The following DYRK2 variants were observed in gnomAD, a reference collection of about 807,000 sequenced individuals.
The protein encoded by DYRK2 is dual specificity tyrosine phosphorylation regulated kinase 2.
DYRK2 carries 12 observed loss-of-function variants against 41.6 expected under a neutral mutation model. The ratio of observed to expected loss-of-function variants is 0.29; its 90% CI spans 0.18 to 0.47. The LOEUF is 0.47. DYRK2 is among the 20% of genes least tolerant of loss of function. The probability of loss-of-function intolerance (pLI) is 1.00; values close to 1 mark genes in which losing one functional copy is unlikely to be tolerated. For synonymous variants in DYRK2, 322 were observed against 315.7 expected (o/e 1.02, Z -0.21); for missense variants, 678 against 798.4 (o/e 0.85, Z 1.82).
In DYRK2 at chr12:67,658,403, C is replaced by A; in HGVS notation, c.1496C>A (p.Ala499Glu). Reference protein sequence around the residue: ...GPPESREWGNALKGCDDPLFL... With the variant: ...GPPESREWGNELKGCDDPLFL... ...CCGGAGAGCAGAGAGTGGGGGAACGCGCTGAAGGGGTGTGATGATCCCCTT... is the reference window on the plus strand; with the variant it reads ...CCGGAGAGCAGAGAGTGGGGGAACGAGCTGAAGGGGTGTGATGATCCCCTT... The change falls in exon 3 of 3, where the codon GCG becomes GAG. Residue 499 changes from alanine (A) to glutamate (E), a missense_variant. Transcript: ENST00000344096. This position sits in a 1 kb window ranked among gnomAD's most constrained non-coding sequence, Gnocchi z 4.3. 1 of 1,598,186 alleles carries A rather than the reference C, an allele frequency of 6.3e-7. No homozygotes were observed. The highest frequency in any genetic ancestry group is 1.1e-5 in the South Asian group (1 of 88,390).
At chr12:67,654,943 A>G (rs1167846577) in intron 2 of DYRK2, among the ~76,000 whole-genome samples, 1 of 152,146 alleles carries the variant, frequency 6.6e-6, no homozygotes, top group Admixed American at 6.5e-5. Flanking sequence ...GGGAGTAAGA[A>G]GCCAAGAGAA....
At chr12:67,653,421 AGCTTCTCAAATGAATC>A (rs767537490) in intron 2 of DYRK2, among the ~76,000 whole-genome samples, 2 of 151,742 alleles carry the variant, frequency 1.3e-5, no homozygotes, top group Non-Finnish European at 2.9e-5. Context: ...CTTTTGCTAG[AGCTTCTCAAATGAATC>A]TCTAACATCT....
Position 67,659,081 on chromosome 12 carries a change from C to T in DYRK2, c.*368C>T, listed in dbSNP as rs1017519560. ...TTTTATGGTTCATGTTATATCCTCC[C>T]CAGGGTGACAGCCCCTTAAGGCCCT... On this transcript the variant is annotated 3_prime_UTR_variant, in exon 3 of 3. Coordinates refer to ENST00000344096, the MANE Select transcript of DYRK2 (RefSeq NM_006482.3). 7 of 181,040 alleles carry T rather than the reference C, an allele frequency of 3.9e-5. No homozygotes were observed. The highest frequency in any genetic ancestry group is 2.6e-5 in the Non-Finnish European group (2 of 78,064). 11.2% of individuals were successfully genotyped at this position (181,040 alleles called of 1,614,324 possible).
Position 67,658,858 on chromosome 12 carries a change from AAGTT to A in DYRK2, c.*146_*149del. On this transcript the variant is annotated 3_prime_UTR_variant, in exon 3 of 3. Coordinates refer to ENST00000344096, the MANE Select transcript of DYRK2 (RefSeq NM_006482.3). This position sits in a 1 kb window ranked among gnomAD's most constrained non-coding sequence, Gnocchi z 4.3. ...TTCAGCACTTAATTTTAATGTAAGA[AAGTT>A]GTTCATTTTGTTTTTATAAAATACA... The A allele has an allele frequency of 7.4e-6, 7 of 948,464 alleles. No individual in the cohort carries two copies. Among genetic ancestry groups the A allele is most frequent in the Non-Finnish European group, 1.1e-5 (7 of 664,544 alleles). 58.8% of individuals were successfully genotyped at this position (948,464 alleles called of 1,614,324 possible). A position where few individuals can be genotyped will look rare whatever the true frequency, so the allele number is the denominator to read the frequency against.
chr12:67,665,397 T>A lies in DYRK2; in HGVS notation c.*6684T>A, dbSNP rs1052453070. ...TATGTGGACCAGCAGCAAATAAATG[T>A]ATGAGTACATTTGGGCGAATTTGTC... is the stretch of plus-strand genomic sequence containing the variant. On this transcript the variant is annotated 3_prime_UTR_variant, in exon 3 of 3. Transcript: ENST00000344096. 2 of 152,220 alleles carry A rather than the reference T, an allele frequency of 1.3e-5. No individual in the cohort carries two copies. Among genetic ancestry groups the A allele is most frequent in the Non-Finnish European group, 2.9e-5 (2 of 68,032 alleles). The allele number at this position is 152,220 out of a possible 1,614,324, so 9.4% of individuals were successfully genotyped here. A position where few individuals can be genotyped will look rare whatever the true frequency, so the allele number is the denominator to read the frequency against.
chr12:67,649,984 G>A (rs1396238701), intron 2 of DYRK2, 39 bp downstream of exon 2: 2 of 1,313,622 alleles, frequency 1.5e-6, no homozygotes, highest in Non-Finnish European at 1.9e-6. Context: ...CGGTGGGGGC[G>A]GGAGGGGCCC....
In DYRK2 at chr12:67,664,255, A is replaced by G. The variant is rs947521195; in HGVS notation, c.*5542A>G. On this transcript the variant is annotated 3_prime_UTR_variant, in exon 3 of 3. Transcript: ENST00000344096. Reference sequence around the variant, plus strand: ...CCTTAATATCTGCGGTACATTTCATATATATATATGGGGTGGGAGCATAAT... The same window carrying G: ...CCTTAATATCTGCGGTACATTTCATGTATATATATGGGGTGGGAGCATAAT... 3.3e-5 allele frequency: 5 copies of G among 152,026 alleles called. No individual in the cohort carries two copies. Among genetic ancestry groups the G allele is most frequent in the African/African-American group, 4.8e-5 (2 of 41,392 alleles). The allele number at this position is 152,026 out of a possible 1,614,324, so 9.4% of individuals were successfully genotyped here.
Position 67,658,516 on chromosome 12 carries a change from A to G in DYRK2, c.1609A>G (p.Arg537Gly), listed in dbSNP as rs2120841303. 6.2e-7 allele frequency: 1 copy of G among 1,612,666 alleles called. No homozygotes were observed. Residue 537 changes from arginine (R) to glycine (G), a missense_variant, in exon 3 of 3, where the codon AGG becomes GGG. Transcript: ENST00000344096. This position sits in a 1 kb window ranked among gnomAD's most constrained non-coding sequence, Gnocchi z 4.3. ...GGCTTTGCGGCACCCCTGGCTGAGG[A>G]GGCGGTTGCCAAAGCCTCCCACCGG... ...GQALRHPWLR[R>G]RLPKPPTGEK...
At position 67,663,689 on chromosome 12, in the gene DYRK2, T is replaced by C. The variant is rs1872679635; in HGVS notation, c.*4976T>C. Reference sequence around the variant, plus strand: ...GAAAATTGGTGCTAAAGTGGCAATGTCAATTTAAAATTTCTTGTCCAGATC... The same window carrying C: ...GAAAATTGGTGCTAAAGTGGCAATGCCAATTTAAAATTTCTTGTCCAGATC... On this transcript the variant is annotated 3_prime_UTR_variant, in exon 3 of 3. Coordinates refer to ENST00000344096, the MANE Select transcript of DYRK2 (RefSeq NM_006482.3). 1 of 152,218 alleles carries C rather than the reference T, an allele frequency of 6.6e-6. No individual in the cohort carries two copies. Among genetic ancestry groups the C allele is most frequent in the South Asian group, 2.1e-4 (1 of 4,834 alleles). The allele number at this position is 152,218 out of a possible 1,614,324, so 9.4% of individuals were successfully genotyped here.
In DYRK2 at chr12:67,653,742, A is replaced by G. The variant is rs1461150698; in HGVS notation, c.199-3364A>G. Among the ~76,000 whole-genome samples the G allele has an allele frequency of 2.0e-5, 3 of 152,198 alleles. No homozygotes were observed. In the East Asian group the frequency reaches 5.8e-4, roughly 29 times the overall value. On this transcript the variant is annotated intron_variant, in intron 2 of 2. Coordinates refer to ENST00000344096, the MANE Select transcript of DYRK2 (RefSeq NM_006482.3). Reference sequence around the variant, plus strand: ...GAGTTAACAAGGAGGATCTATTGGCATGTGTTCTTCCATCCCAAAGATATT... The same window carrying G: ...GAGTTAACAAGGAGGATCTATTGGCGTGTGTTCTTCCATCCCAAAGATATT...
rs978426776 is a variant in DYRK2 at position 67,661,673 on chromosome 12, A to T, written c.*2960A>T. ...GTTACAGGCCTTAATAGAAACCATA[A>T]GGCATGACTCATCTTCAGGCACTGA... is the stretch of plus-strand genomic sequence containing the variant. On this transcript the variant is annotated 3_prime_UTR_variant, in exon 3 of 3. Transcript: ENST00000344096. The T allele has an allele frequency of 2.4e-5, 4 of 167,056 alleles. No individual in the cohort carries two copies. Among genetic ancestry groups the T allele is most frequent in the African/African-American group, 7.2e-5 (3 of 41,448 alleles). 10.3% of individuals were successfully genotyped at this position (167,056 alleles called of 1,614,324 possible).
Position 67,649,188 on chromosome 12 carries a change from G to A in DYRK2, c.49+6G>A. 6.7e-7 allele frequency: 1 copy of A among 1,500,692 alleles called. No homozygotes were observed. The highest frequency in any genetic ancestry group is 1.3e-5 in the South Asian group (1 of 79,992). 93.0% of individuals were successfully genotyped at this position (1,500,692 alleles called of 1,614,324 possible). A position where few individuals can be genotyped will look rare whatever the true frequency, so the allele number is the denominator to read the frequency against. On this transcript the variant is annotated splice_donor_region_variant and intron_variant, in intron 1 of 2. Transcript: ENST00000344096. ...TCCCGCCGCCTACCCGACCGGTAAG[G>A]AGGCCGTGCCGCCGCGCCGCATCCC...
rs1490029278 is a variant in DYRK2, at chr12:67,662,173, TA to T, written c.*3467del. The stretch of plus-strand genomic sequence containing the variant: ...TATTTCTGGTAAGCAGAAGACTTTT[TA>T]AAAAAACTGATCTGGTCTCGGTAAA... On this transcript the variant is annotated 3_prime_UTR_variant, in exon 3 of 3. Transcript: ENST00000344096. The T allele has an allele frequency of 1.2e-5, 2 of 166,846 alleles. No homozygotes were observed. The highest frequency in any genetic ancestry group is 2.9e-5 in the Non-Finnish European group (2 of 68,050). 10.3% of individuals were successfully genotyped at this position (166,846 alleles called of 1,614,324 possible).
rs780452325 is a variant in DYRK2 at position 67,657,127 on chromosome 12, A to G, written c.220A>G (p.Met74Val). 6 of 1,571,780 alleles carry G rather than the reference A, an allele frequency of 3.8e-6. No homozygotes were observed. The South Asian group carries it at 6.0e-5, about 16-fold the overall frequency. ...AHTIGGSKHT[M>V]NDHLHVGSHA... ...CCAGATTGGCGGCAGTAAGCACACA[A>G]TGAATGATCACCTGCATGTCGGCAG... Residue 74 changes from methionine (M) to valine (V), a missense_variant, in exon 3 of 3, where the codon ATG (methionine) becomes GTG (valine). Met to Val is a conservative substitution (Grantham distance 21, BLOSUM62 1). Transcript: ENST00000344096. This position sits in a 1 kb window ranked among gnomAD's most constrained non-coding sequence, Gnocchi z 4.8.
At chr12:67,654,035 A>C (rs1872399132) in intron 2 of DYRK2, among the ~76,000 whole-genome samples, 2 of 152,338 alleles carry the variant, frequency 1.3e-5, no homozygotes, top group South Asian at 4.1e-4. Flanking sequence ...TAAAAGCCCT[A>C]ATGAGGTAAC....
Position 67,656,852 on chromosome 12 carries a change from T to C in DYRK2, c.199-254T>C, listed in dbSNP as rs1872483634. On this transcript the variant is annotated intron_variant, in intron 2 of 2. Coordinates refer to ENST00000344096, the MANE Select transcript of DYRK2 (RefSeq NM_006482.3). ...ATGTGCCAGGCCCTATACTAAGTGT[T>C]AGATATAGAATGATAAAGTTAAGGT... 2.0e-5 allele frequency among the ~76,000 whole-genome samples: 3 copies of C among 152,150 alleles called. No individual in the cohort carries two copies. The South Asian group carries it at 6.2e-4, about 32-fold the overall frequency.
At chr12:67,652,215 A>G (rs1430263296) in intron 2 of DYRK2, among the ~76,000 whole-genome samples, 2 of 152,282 alleles carry the variant, frequency 1.3e-5, no homozygotes, top group African/African-American at 2.4e-5. Flanking sequence ...CTCCATGTAT[A>G]AGTTGTTTTA....
Position 67,660,659 on chromosome 12 carries a change from C to T in DYRK2, c.*1946C>T, listed in dbSNP as rs1049496092. The T allele has an allele frequency of 6.0e-6, 1 of 166,892 alleles. No individual in the cohort carries two copies. The highest frequency in any genetic ancestry group is 1.5e-5 in the Non-Finnish European group (1 of 68,094). The allele number at this position is 166,892 out of a possible 1,614,324, so 10.3% of individuals were successfully genotyped here. On this transcript the variant is annotated 3_prime_UTR_variant, in exon 3 of 3. Transcript: ENST00000344096. The stretch of plus-strand genomic sequence containing the variant: ...AGTAAGTTACATTTTAAATAATGCT[C>T]ATGTGACAATACTCCCAATCAATGG...
chr12:67,651,891 T>C (rs1425421587), intron 2 of DYRK2, among the ~76,000 whole-genome samples: 1 of 152,218 alleles, frequency 6.6e-6, no homozygotes, highest in Non-Finnish European at 1.5e-5. Context: ...AGTTTTAATA[T>C]ACTGATGGAG....
Sources: allele counts gnomAD v4.1 joint callset (sites outside exome capture counted in the v4.1 genomes callset), GRCh38; gene constraint gnomAD v4.1.1; non-coding constraint Gnocchi (gnomAD v3.1); transcripts MANE v1.5; gene names NCBI Gene and HGNC (gene_info 2026-07-23, HGNC 2026-07-21).